NAV3: variants seen among roughly 807,000 people sequenced by gnomAD.
NAV3 encodes the protein neuron navigator 3, also known as pore membrane and/or filament interacting like protein 1.
NAV3 carries 87 observed loss-of-function variants against 244.7 expected under a neutral mutation model. That is an observed-to-expected ratio of 0.36 (90% confidence interval 0.30 to 0.42). The LOEUF is 0.42. NAV3 is among the 20% of genes least tolerant of loss of function. The pLI, the probability that NAV3 is intolerant of heterozygous loss-of-function variation, is 1.00. For synonymous variants in NAV3, 1,126 were observed against 1,042.2 expected (o/e 1.08, Z -1.55); for missense variants, 2,663 against 2,893.3 (o/e 0.92, Z 1.83).
intron 1 of NAV3, among the ~76,000 whole-genome samples, chr12:77,934,386 A>T (rs749901562): frequency 1.3e-5 from 2 of 152,066 alleles, no homozygotes; most frequent in Non-Finnish European, 2.9e-5. Context: ...AGAAAATTCC[A>T]TATGGCTCTT....
rs1403286944 is a variant in NAV3 at position 78,169,014 on chromosome 12, G to A, written c.4981+148G>A. On this transcript the variant is annotated intron_variant, in intron 24 of 39. Transcript: ENST00000397909. ...ATAGTTGTATTAATACATACTAGTA[G>A]TATTAATACATACTACGTTGGTATT... The A allele has an allele frequency of 6.1e-6, 3 of 495,752 alleles. No individual in the cohort carries two copies. In the East Asian group the frequency reaches 1.0e-4, roughly 16 times the overall value. The allele number at this position is 495,752 out of a possible 1,614,324, so 30.7% of individuals were successfully genotyped here.
intron 28 of NAV3, 141 bp downstream of exon 28, chr12:78,177,826 G>T (rs893638116): frequency 1.5e-5 from 12 of 783,562 alleles, no homozygotes; most frequent in Admixed American, 3.0e-5. Flanking sequence ...CTAAAATTTG[G>T]TTTCCTAAAA....
chr12:78,011,090 CA>C (rs542454904), intron 8 of NAV3, among the ~76,000 whole-genome samples: 9 of 152,002 alleles, frequency 5.9e-5, no homozygotes, highest in Non-Finnish European at 1.2e-4. Flanking sequence ...ATAACTAAGA[CA>C]AAATGTCAAG....
intron 5 of NAV3, among the ~76,000 whole-genome samples, chr12:77,971,177 G>A (rs2095168185): frequency 6.6e-6 from 1 of 152,008 alleles, no homozygotes; most frequent in Non-Finnish European, 1.5e-5. Context: ...TTTTGTGGAA[G>A]GATGTCTCGA....
intron 1 of NAV3, among the ~76,000 whole-genome samples, chr12:77,886,849 T>C (rs1042108783): frequency 6.6e-6 from 1 of 152,156 alleles, no homozygotes; most frequent in Non-Finnish European, 1.5e-5. Flanking sequence ...TACCCCTCGA[T>C]TTTAATCATC....
At chr12:78,146,157 A>ATACCT (rs1956855300) in intron 20 of NAV3, among the ~76,000 whole-genome samples, 1 of 152,068 alleles carries the variant, frequency 6.6e-6, no homozygotes. Flanking sequence ...TATTTTAAGA[A>ATACCT]TACCTTATGG....
At chr12:78,000,668 T>A (rs1409566759) in intron 7 of NAV3, among the ~76,000 whole-genome samples, 1 of 108,112 alleles carries the variant, frequency 9.2e-6, no homozygotes, top group Non-Finnish European at 1.9e-5. Context: ...CACGCCCGGC[T>A]AATTTTTTGT....
intron 28 of NAV3, 106 bp downstream of exon 28, chr12:78,177,791 A>G: frequency 1.1e-6 from 1 of 943,828 alleles, no homozygotes; most frequent in South Asian, 1.6e-5. Context: ...TCAACAATAA[A>G]TACCTTCTCT....
intron 1 of NAV3, among the ~76,000 whole-genome samples, chr12:77,932,778 G>C (rs1440031561): frequency 6.6e-6 from 1 of 152,076 alleles, no homozygotes; most frequent in South Asian, 2.1e-4. Flanking sequence ...CTTAGCTTCA[G>C]ATATTATTGC....
chr12:77,670,819 A>G (rs1404409562), intron 2 of NAV3, among the ~76,000 whole-genome samples: 5 of 152,162 alleles, frequency 3.3e-5, no homozygotes, highest in Non-Finnish European at 5.9e-5. Flanking sequence ...TGACAAACCC[A>G]CAGACAACAT....
intron 30 of NAV3, among the ~76,000 whole-genome samples, chr12:78,183,565 T>C (rs1177183410): frequency 2.0e-5 from 3 of 151,950 alleles, no homozygotes; most frequent in Non-Finnish European, 4.4e-5. Flanking sequence ...ATCCAGGACC[T>C]GGACTTTTCA....
At chr12:78,093,579 G>T (rs1156754987) in intron 12 of NAV3, among the ~76,000 whole-genome samples, 7 of 152,012 alleles carry the variant, frequency 4.6e-5, no homozygotes, top group African/African-American at 1.7e-4. Context: ...CAGTGGAAAA[G>T]CTATAGGGAA....
intron 12 of NAV3, among the ~76,000 whole-genome samples, chr12:78,100,597 G>A (rs1243068462): frequency 6.6e-6 from 1 of 151,904 alleles, no homozygotes; most frequent in African/African-American, 2.4e-5. Context: ...TATATTTGTA[G>A]CACTAAAATG....
chr12:78,100,895 CT>C (rs1327607516), intron 12 of NAV3, among the ~76,000 whole-genome samples: 1 of 152,036 alleles, frequency 6.6e-6, no homozygotes, highest in African/African-American at 2.4e-5. Flanking sequence ...CTTTATTGCT[CT>C]TTCCTGTAAT....
At chr12:77,721,411 A>T (rs1031334919) in intron 2 of NAV3, among the ~76,000 whole-genome samples, 3 of 152,080 alleles carry the variant, frequency 2.0e-5, no homozygotes, top group Admixed American at 6.6e-5. Context: ...CTGGGTAATT[A>T]ACCTTTTTGT....
At chr12:77,995,943 A>T (rs1013232767) in intron 6 of NAV3, among the ~76,000 whole-genome samples, 2 of 151,568 alleles carry the variant, frequency 1.3e-5, no homozygotes, top group Non-Finnish European at 2.9e-5. Flanking sequence ...GCTTCATCTC[A>T]TTTCCCTTTT....
rs779441403 is a variant in NAV3, at chr12:78,205,122, CAGA to C, written c.7025_7027del (p.Glu2342del). The C allele has an allele frequency of 1.2e-4, 192 of 1,613,098 alleles. No individual in the cohort carries two copies. The highest frequency in any genetic ancestry group is 1.6e-4 in the Non-Finnish European group (185 of 1,179,580). ...TCAAAGCACATTCCGCAAACTGACA[CAGA>C]AGGAGATCCCCTGGTAAGAATCAGA... On this transcript the variant is annotated inframe_deletion, in exon 39 of 40. Transcript: ENST00000397909.
intron 1 of NAV3, among the ~76,000 whole-genome samples, chr12:77,867,986 A>G (rs1278477907): frequency 6.6e-6 from 1 of 152,190 alleles, no homozygotes; most frequent in African/African-American, 2.4e-5. Flanking sequence ...ATACTGTCCC[A>G]CATCTCAGGC....
At chr12:77,615,914 A>T (rs1373782194) in intron 2 of NAV3, among the ~76,000 whole-genome samples, 1 of 152,136 alleles carries the variant, frequency 6.6e-6, no homozygotes, top group East Asian at 1.9e-4. Context: ...CCATTTGTAC[A>T]CTAACTTGCG....
Sources: gnomAD v4.1 joint callset for allele counts (sites outside exome capture counted in the v4.1 genomes callset) on GRCh38, gnomAD v4.1.1 for gene constraint, MANE v1.5 for transcripts, NCBI Gene and HGNC (gene_info 2026-07-23, HGNC 2026-07-21) for gene names.